APBB2: variants seen among roughly 807,000 people sequenced by gnomAD.
APBB2 encodes the protein amyloid beta precursor protein binding family B member 2, also known as Fe65-like 1.
Under a neutral mutation model 82.5 loss-of-function variants are expected in APBB2, and 38 were observed. The ratio of observed to expected loss-of-function variants is 0.46; its 90% CI spans 0.36 to 0.60. The LOEUF (loss-of-function observed/expected upper bound fraction) is 0.60. Among genes scored for constraint, APBB2 ranks in the 20% least tolerant of loss-of-function variants. The probability of loss-of-function intolerance (pLI) is 0.00; values close to 1 mark genes in which losing one functional copy is unlikely to be tolerated. For synonymous variants in APBB2, 341 were observed against 368.2 expected, an observed-to-expected ratio of 0.93 and a Z score of 0.85; for missense variants, 772 against 972.3, an observed-to-expected ratio of 0.79 and a Z score of 2.74.
chr4:41,200,615 T>C (rs1776461000), intron 1 of APBB2, among the ~76,000 whole-genome samples: 1 of 152,318 alleles, frequency 6.6e-6, no homozygotes, highest in Admixed American at 6.5e-5. Flanking sequence ...ATTTGAGAAA[T>C]AACTGATTTT....
chr4:41,114,039 T>A (rs1750124822), intron 2 of APBB2: 1 of 152,338 alleles, frequency 6.6e-6, no homozygotes, highest in South Asian at 2.1e-4. Flanking sequence ...GAGCGTTCCA[T>A]ATTTTTCTTA....
At chr4:41,120,056 G>T (rs1752334457) in intron 2 of APBB2, among the ~76,000 whole-genome samples, 1 of 152,132 alleles carries the variant, frequency 6.6e-6, no homozygotes, top group Non-Finnish European at 1.5e-5. Flanking sequence ...GAGGAAAACG[G>T]AGGCTTACGA....
At chr4:41,212,993 T>C (rs1005018046) in intron 1 of APBB2, among the ~76,000 whole-genome samples, 1 of 152,048 alleles carries the variant, frequency 6.6e-6, no homozygotes, top group African/African-American at 2.4e-5. Context: ...AAGGATTCCA[T>C]CTGTTCCTAA....
At chr4:41,107,373 C>T (rs1281605804) in intron 2 of APBB2, among the ~76,000 whole-genome samples, 1 of 152,064 alleles carries the variant, frequency 6.6e-6, no homozygotes, top group Non-Finnish European at 1.5e-5. Flanking sequence ...CATAAACCCA[C>T]AAATATTCAT....
Position 41,162,925 on chromosome 4 carries a change from G to C in APBB2, c.-416-19783C>G, listed in dbSNP as rs544488465. 2.6e-5 allele frequency among the ~76,000 whole-genome samples: 4 copies of C among 152,272 alleles called. No individual in the cohort carries two copies. In the East Asian group the frequency reaches 7.7e-4, roughly 29 times the overall value. On this transcript the variant is annotated intron_variant, in intron 1 of 17. Coordinates refer to ENST00000508593, the MANE Select transcript of APBB2 (RefSeq NM_004307.2). ...AAATATCCACTGAGTATCAATAAGG[G>C]CAAGGTGTGTGGAATAACAAGGTGA... is the stretch of plus-strand genomic sequence containing the variant.
intron 6 of APBB2, among the ~76,000 whole-genome samples, chr4:40,956,233 T>C (rs1349186646): frequency 6.6e-6 from 1 of 152,162 alleles, no homozygotes; most frequent in Non-Finnish European, 1.5e-5. Context: ...CCACCAACTT[T>C]GGAAGACAAT....
intron 3 of APBB2, among the ~76,000 whole-genome samples, chr4:41,087,070 T>A (rs1381341197): frequency 6.6e-6 from 1 of 151,824 alleles, no homozygotes; most frequent in Non-Finnish European, 1.5e-5. Flanking sequence ...AGCCCAGGAG[T>A]TCAAAGCTAT....
chr4:40,934,890 C>A, intron 8 of APBB2, 187 bp downstream of exon 8: 1 of 676,982 alleles, frequency 1.5e-6, no homozygotes, highest in Non-Finnish European at 2.5e-6. Context: ...AACGGGGAAC[C>A]TAGGGCATTC....
intron 1 of APBB2, among the ~76,000 whole-genome samples, chr4:41,159,280 AGAAGG>A (rs2154032811): frequency 6.6e-6 from 1 of 152,144 alleles, no homozygotes; most frequent in South Asian, 2.1e-4. Context: ...ACAGGAAGGA[AGAAGG>A]GAAGGGAACA....
intron 10 of APBB2, among the ~76,000 whole-genome samples, chr4:40,904,151 C>G (rs895419615): frequency 6.6e-6 from 1 of 152,162 alleles, no homozygotes; most frequent in African/African-American, 2.4e-5. Flanking sequence ...GGCAATTAGG[C>G]CAGGTGCAGT....
At chr4:41,079,562 T>G (rs1270500450) in intron 3 of APBB2, among the ~76,000 whole-genome samples, 1 of 137,382 alleles carries the variant, frequency 7.3e-6, no homozygotes, top group Non-Finnish European at 1.6e-5. Flanking sequence ...TTTTTTTTTT[T>G]TTTTTGAAAT....
chr4:41,098,966 T>C (rs1003367888), intron 3 of APBB2, among the ~76,000 whole-genome samples: 2 of 152,172 alleles, frequency 1.3e-5, no homozygotes, highest in Non-Finnish European at 2.9e-5. Flanking sequence ...ATAAAATATT[T>C]CTTTTAAGAT....
intron 4 of APBB2, among the ~76,000 whole-genome samples, chr4:41,054,631 C>T: frequency 6.6e-6 from 1 of 152,246 alleles, no homozygotes; most frequent in East Asian, 1.9e-4. Context: ...ATACCTATAA[C>T]AACAAACAAA....
chr4:41,148,098 A>C (rs1289786651), intron 1 of APBB2, among the ~76,000 whole-genome samples: 1 of 152,244 alleles, frequency 6.6e-6, no homozygotes, highest in Non-Finnish European at 1.5e-5. Flanking sequence ...TTTCAAAAAG[A>C]ATCTATCACA....
chr4:40,976,335 T>TGCAAG, intron 6 of APBB2, among the ~76,000 whole-genome samples: 1 of 152,210 alleles, frequency 6.6e-6, no homozygotes. Flanking sequence ...TTATTTTTAA[T>TGCAAG]TTTATGTGCA....
At position 41,030,276 on chromosome 4, in the gene APBB2, G is replaced by A. The variant is rs551070726; in HGVS notation, c.19+2960C>T. On this transcript the variant is annotated intron_variant, in intron 5 of 17. Coordinates refer to ENST00000508593, the MANE Select transcript of APBB2 (RefSeq NM_004307.2). ...GCCATTCCCAACATAACACCTGGCA[G>A]ATGTGATGGTCAGTTATTTAGGAAG... Among the ~76,000 whole-genome samples, 4 of 152,318 alleles carry A rather than the reference G, an allele frequency of 2.6e-5. No individual in the cohort carries two copies. The South Asian group carries it at 8.3e-4, about 32-fold the overall frequency.
chr4:41,115,884 A>C (rs899378434), intron 2 of APBB2, among the ~76,000 whole-genome samples: 1 of 152,232 alleles, frequency 6.6e-6, no homozygotes, highest in Non-Finnish European at 1.5e-5. Flanking sequence ...AAATTAGTTC[A>C]ACCATTGTGG....
intron 6 of APBB2, among the ~76,000 whole-genome samples, chr4:40,970,344 T>C (rs1578846650): frequency 6.6e-6 from 1 of 152,348 alleles, no homozygotes; most frequent in East Asian, 1.9e-4. Context: ...CGCATGGCAC[T>C]GCACTCGATG....
At chr4:41,090,970 C>T (rs6810912) in intron 3 of APBB2, among the ~76,000 whole-genome samples, 7,434 of 152,180 alleles carry the variant, frequency 0.049, 384 homozygotes, top group African/African-American at 0.13. Context: ...ACTGCTCTTC[C>T]TCTCCTGGTT....
Sources: allele counts gnomAD v4.1 joint callset (sites outside exome capture counted in the v4.1 genomes callset), GRCh38; gene constraint gnomAD v4.1.1; transcripts MANE v1.5; gene names NCBI Gene and HGNC (gene_info 2026-07-23, HGNC 2026-07-21).